CASZ1: variants seen among roughly 807,000 people sequenced by gnomAD.
CASZ1 encodes zinc finger protein castor homolog 1.
CASZ1 carries 28 observed loss-of-function variants against 135.2 expected under a neutral mutation model. The observed-to-expected ratio is 0.21, with a 90% CI of 0.15 to 0.28. CASZ1 has a LOEUF of 0.28. CASZ1 is among the 10% of genes least tolerant of loss of function. CASZ1 has a pLI of 1.00. For missense variants in CASZ1, 2,161 were observed against 2,453.3 expected (o/e 0.88, Z 2.52); for synonymous variants, 1,068 against 1,073.4 (o/e 0.99, Z 0.10).
At chr1:10,736,108 T>C (rs1301743186) in intron 2 of CASZ1, among the ~76,000 whole-genome samples, 1 of 152,178 alleles carries the variant, frequency 6.6e-6, no homozygotes, top group Non-Finnish European at 1.5e-5. Context: ...CTGTTGCTGA[T>C]GGGCGGTACT....
At chr1:10,745,454 G>A (rs1392378722) in intron 2 of CASZ1, among the ~76,000 whole-genome samples, 1 of 152,164 alleles carries the variant, frequency 6.6e-6, no homozygotes, top group Non-Finnish European at 1.5e-5. Context: ...TGAAATAGAG[G>A]CAAACAGCAA....
chr1:10,775,781 A>T (rs1423435875), intron 1 of CASZ1, among the ~76,000 whole-genome samples: 1 of 152,164 alleles, frequency 6.6e-6, no homozygotes, highest in Non-Finnish European at 1.5e-5. Flanking sequence ...GCCGAGAGGA[A>T]AGATGAAGCC....
rs376189072 is a variant in CASZ1, at chr1:10,655,693, C to A, written c.1621G>T (p.Gly541Cys). 1 of 1,613,934 alleles carries A rather than the reference C, an allele frequency of 6.2e-7. No individual in the cohort carries two copies. Reference protein sequence around the residue: ...PLDDCSVYYHGCHLNGKSTHY... With the variant: ...PLDDCSVYYHCCHLNGKSTHY... ...GTGCTCTTCCCATTGAGGTGGCAGC[C>A]GTGGTAGTAGACGCTGCAGTCGTCC... The change falls in exon 9 of 21, where the codon GGC becomes TGC. Residue 541 changes from glycine to cysteine, a missense_variant. Physicochemically the swap from Gly to Cys is radical, Grantham distance 159. Transcript: ENST00000377022.
chr1:10,639,045 G>A lies in CASZ1; in HGVS notation c.5177C>T (p.Ala1726Val). 1 of 1,059,912 alleles carries A rather than the reference G, an allele frequency of 9.4e-7. No individual in the cohort carries two copies. The highest frequency in any genetic ancestry group is 1.2e-6 in the Non-Finnish European group (1 of 863,966). 65.7% of individuals were successfully genotyped at this position (1,059,912 alleles called of 1,614,324 possible). A position where few individuals can be genotyped will look rare whatever the true frequency, so the allele number is the denominator to read the frequency against. Reference protein sequence around the residue: ...RTDSEESLPEAAAEAAGAGAR... With the variant: ...RTDSEESLPEVAAEAAGAGAR... ...GCCCGCGCCCGCCGCCTCCGCCGCC[G>A]CCTCGGGCAGCGACTCCTCCGAGTC... is the stretch of plus-strand genomic sequence containing the variant. The change falls in exon 21 of 21, where the codon GCG becomes GTG. Residue 1726 changes from alanine to valine, a missense_variant. Ala to Val is a moderately conservative substitution (Grantham distance 64, BLOSUM62 0). Around this residue, in one of 7 missense-constraint regions of CASZ1, gnomAD observed 185 missense variants for 134.7 expected, o/e 1.37. Coordinates refer to ENST00000377022, the MANE Select transcript of CASZ1 (RefSeq NM_001079843.3). This position sits in a 1 kb window ranked among gnomAD's most constrained non-coding sequence, Gnocchi z 4.0.
intron 1 of CASZ1, among the ~76,000 whole-genome samples, chr1:10,789,068 G>A (rs1640909140): frequency 6.6e-6 from 1 of 152,144 alleles, no homozygotes; most frequent in African/African-American, 2.4e-5. Context: ...CCCCACCTGG[G>A]CCTTCTCCAG....
chr1:10,769,346 C>A (rs922333212), intron 1 of CASZ1, among the ~76,000 whole-genome samples: 9 of 152,232 alleles, frequency 5.9e-5, no homozygotes, highest in African/African-American at 1.9e-4. Flanking sequence ...GACAATGTGA[C>A]TGAGGAACTG....
chr1:10,649,014 G>C, intron 15 of CASZ1, 56 bp downstream of exon 15: 2 of 1,593,604 alleles, frequency 1.3e-6, no homozygotes, highest in South Asian at 2.2e-5. Flanking sequence ...ACCCACCCCA[G>C]AGCCAGGCTG....
chr1:10,741,802 A>G lies in CASZ1; in HGVS notation c.-77+18899T>C, dbSNP rs148708494. Reference sequence around the variant, plus strand: ...CTTTTATACATATTTATATATATATATAGTTATATATTAACAAACCTGATT... The same window carrying G: ...CTTTTATACATATTTATATATATATGTAGTTATATATTAACAAACCTGATT... On this transcript the variant is annotated intron_variant, in intron 2 of 20. Coordinates refer to ENST00000377022, the MANE Select transcript of CASZ1 (RefSeq NM_001079843.3). The surrounding 1 kb of genome is among the most constrained non-coding windows in gnomAD (Gnocchi z 5.0). Among the ~76,000 whole-genome samples the G allele has an allele frequency of 2.5e-4, 38 of 152,164 alleles. No individual in the cohort carries two copies. Among genetic ancestry groups the G allele is most frequent in the Admixed American group, 1.4e-3 (22 of 15,288 alleles).
At chr1:10,771,884 C>A (rs1195111761) in intron 1 of CASZ1, among the ~76,000 whole-genome samples, 1 of 152,234 alleles carries the variant, frequency 6.6e-6, no homozygotes, top group Non-Finnish European at 1.5e-5. Flanking sequence ...GAGGACCCGG[C>A]ATGAAGTTGG....
intron 4 of CASZ1, among the ~76,000 whole-genome samples, chr1:10,682,962 G>A (rs924843115): frequency 2.6e-5 from 4 of 152,224 alleles, no homozygotes; most frequent in African/African-American, 7.2e-5. Flanking sequence ...GTCCATTCTA[G>A]CTATTCCACT....
chr1:10,693,796 G>T, intron 4 of CASZ1, 78 bp downstream of exon 4: 3 of 782,744 alleles, frequency 3.8e-6, no homozygotes, highest in Non-Finnish European at 4.1e-6. Context: ...CCACCTCATT[G>T]GGCTAAAAAT....
At chr1:10,751,763 G>A (rs930829390) in intron 2 of CASZ1, among the ~76,000 whole-genome samples, 3 of 152,178 alleles carry the variant, frequency 2.0e-5, no homozygotes, top group African/African-American at 7.2e-5. Context: ...GGGAAAGGCT[G>A]GGAGGAGGGC....
chr1:10,646,165 A>C lies in CASZ1; in HGVS notation c.3659T>G (p.Phe1220Cys). ...NNNLVNVRDQ[F>C]AYYSLQCLCP... ...GAGACACTGCAGAGAGTAGTATGCA[A>C]ACTGGTCTCGCACGTTCACCAGGTT... The change falls in exon 17 of 21, where the codon TTT becomes TGT. Residue 1220 changes from phenylalanine (F) to cysteine (C), a missense_variant. Physicochemically the swap from Phe to Cys is radical, Grantham distance 205. Coordinates refer to ENST00000377022, the MANE Select transcript of CASZ1 (RefSeq NM_001079843.3). The surrounding 1 kb of genome is among the most constrained non-coding windows in gnomAD (Gnocchi z 6.4). 1 of 1,614,122 alleles carries C rather than the reference A, an allele frequency of 6.2e-7. No homozygotes were observed. Among genetic ancestry groups the C allele is most frequent in the Non-Finnish European group, 8.5e-7 (1 of 1,180,024 alleles).
chr1:10,646,361 A>G lies in CASZ1; in HGVS notation c.3498-35T>C. On this transcript the variant is annotated intron_variant, in intron 16 of 20. Transcript: ENST00000377022. The surrounding 1 kb of genome is among the most constrained non-coding windows in gnomAD (Gnocchi z 6.4). The stretch of plus-strand genomic sequence containing the variant: ...AACCACAGCCCAGAAGGTCATTGCC[A>G]TTCTCAAGCCCTCCCTGCTGGTGTC... 1 of 1,603,864 alleles carries G rather than the reference A, an allele frequency of 6.2e-7. No homozygotes were observed. Among genetic ancestry groups the G allele is most frequent in the Non-Finnish European group, 8.5e-7 (1 of 1,172,288 alleles).
At position 10,701,516 on chromosome 1, in the gene CASZ1, A is replaced by T. The variant is rs1639060048; in HGVS notation, c.-24+3976T>A. Among the ~76,000 whole-genome samples, 1 of 152,102 alleles carries T rather than the reference A, an allele frequency of 6.6e-6. No individual in the cohort carries two copies. The highest frequency in any genetic ancestry group is 1.5e-5 in the Non-Finnish European group (1 of 68,026). Reference sequence around the variant, plus strand: ...TCGCCAAAGCTCGCCCTTCAGAGTGATGGAGTGATGGGAGGAGGGGGGGCG... The same window carrying T: ...TCGCCAAAGCTCGCCCTTCAGAGTGTTGGAGTGATGGGAGGAGGGGGGGCG... On this transcript the variant is annotated intron_variant, in intron 3 of 20. Coordinates refer to ENST00000377022, the MANE Select transcript of CASZ1 (RefSeq NM_001079843.3). This position sits in a 1 kb window ranked among gnomAD's most constrained non-coding sequence, Gnocchi z 6.3.
chr1:10,737,330 A>G (rs1639819541), intron 2 of CASZ1, among the ~76,000 whole-genome samples: 1 of 151,928 alleles, frequency 6.6e-6, no homozygotes, highest in Admixed American at 6.6e-5. Flanking sequence ...CTCCCCTCTC[A>G]GGCTGGGCAT....
At chr1:10,752,566 G>A (rs1366943166) in intron 2 of CASZ1, among the ~76,000 whole-genome samples, 2 of 152,174 alleles carry the variant, frequency 1.3e-5, no homozygotes, top group South Asian at 2.1e-4. Flanking sequence ...GGAGGTCATC[G>A]TGACCCCAGC....
rs1451982771 is a variant in CASZ1 at position 10,747,226 on chromosome 1, G to C, written c.-77+13475C>G. 6.6e-6 allele frequency among the ~76,000 whole-genome samples: 1 copy of C among 152,238 alleles called. No homozygotes were observed. Among genetic ancestry groups the C allele is most frequent in the Admixed American group, 6.5e-5 (1 of 15,288 alleles). ...GAGACATAGGCCACCTGAGACTAAGGGTGGGGCTGGGAAGCAAAGGGGAAG... is the reference window on the plus strand; with the variant it reads ...GAGACATAGGCCACCTGAGACTAAGCGTGGGGCTGGGAAGCAAAGGGGAAG... On this transcript the variant is annotated intron_variant, in intron 2 of 20. Transcript: ENST00000377022. The surrounding 1 kb of genome is among the most constrained non-coding windows in gnomAD (Gnocchi z 4.3).
At chr1:10,682,272 AG>A (rs532938240) in intron 4 of CASZ1, among the ~76,000 whole-genome samples, 266 of 152,196 alleles carry the variant, frequency 1.7e-3, no homozygotes, top group Non-Finnish European at 2.8e-3. Context: ...TGAAGGCTGG[AG>A]GGAAGTGGGG....
Sources: allele counts gnomAD v4.1 joint callset (sites outside exome capture counted in the v4.1 genomes callset), GRCh38; gene constraint gnomAD v4.1.1; regional missense constraint gnomAD v4.1.1; non-coding constraint Gnocchi (gnomAD v3.1); transcripts MANE v1.5; gene names NCBI Gene and HGNC (gene_info 2026-07-23, HGNC 2026-07-21).